The following DNAJB6 variants were observed in gnomAD, a reference collection of about 807,000 sequenced individuals.
DNAJB6 encodes the protein dnaJ homolog subfamily B member 6.
In DNAJB6, 16 loss-of-function variants were observed where a neutral mutation model predicts 42.7. That is an observed-to-expected ratio of 0.37 (90% CI 0.25 to 0.57). DNAJB6 has a LOEUF of 0.57. Among genes scored for constraint, DNAJB6 ranks in the 20% least tolerant of loss-of-function variants. The pLI is 0.74. For missense variants in DNAJB6, 347 were observed against 416.8 expected, an observed-to-expected ratio of 0.83 and a Z score of 1.46; for synonymous variants, 170 against 163.5, an observed-to-expected ratio of 1.04 and a Z score of -0.30.
At chr7:157,397,052 C>T (rs1235351672) in intron 8 of DNAJB6, among the ~76,000 whole-genome samples, 1 of 152,226 alleles carries the variant, frequency 6.6e-6, no homozygotes, top group Non-Finnish European at 1.5e-5. Context: ...GTCCACACCC[C>T]TCTCACCGAT....
intron 5 of DNAJB6, among the ~76,000 whole-genome samples, chr7:157,375,472 G>A (rs1028660013): frequency 2.0e-5 from 3 of 152,248 alleles, no homozygotes; most frequent in African/African-American, 7.2e-5. Context: ...GACCTGGGAA[G>A]TAGCTAGAAA....
At chr7:157,359,987 G>A (rs1424773404) in intron 2 of DNAJB6, among the ~76,000 whole-genome samples, 2 of 152,216 alleles carry the variant, frequency 1.3e-5, no homozygotes, top group African/African-American at 4.8e-5. Context: ...CACACTTGAG[G>A]CTCACACTAT....
At chr7:157,348,309 G>A (rs1010673519) in intron 1 of DNAJB6, among the ~76,000 whole-genome samples, 2 of 152,074 alleles carry the variant, frequency 1.3e-5, no homozygotes, top group Non-Finnish European at 2.9e-5. Flanking sequence ...GGCCAGGCTG[G>A]TCTTGAACTC....
chr7:157,374,292 A>T (rs762514349), intron 5 of DNAJB6, among the ~76,000 whole-genome samples: 2 of 151,826 alleles, frequency 1.3e-5, no homozygotes, highest in Non-Finnish European at 2.9e-5. Flanking sequence ...ATGGAGTCTC[A>T]CTCTGTCGCC....
intron 1 of DNAJB6, among the ~76,000 whole-genome samples, chr7:157,352,405 G>A (rs1404646908): frequency 1.3e-5 from 2 of 151,856 alleles, no homozygotes; most frequent in Admixed American, 6.6e-5. Flanking sequence ...TATTGCTGAA[G>A]GCTTTATTTA....
intron 1 of DNAJB6, among the ~76,000 whole-genome samples, chr7:157,351,623 A>C (rs1339391437): frequency 6.8e-6 from 1 of 147,370 alleles, no homozygotes; most frequent in Non-Finnish European, 1.5e-5. Context: ...ACATAGTGAG[A>C]CTCTGTCTCA....
At chr7:157,410,336 G>T in intron 9 of DNAJB6, 1 of 472,530 alleles carries the variant, frequency 2.1e-6, no homozygotes. Context: ...CGTAGAGCTT[G>T]AGGCCTGTGG....
chr7:157,396,079 C>CT (rs1287979506), intron 8 of DNAJB6, among the ~76,000 whole-genome samples: 2 of 151,904 alleles, frequency 1.3e-5, no homozygotes, highest in Non-Finnish European at 2.9e-5. Flanking sequence ...TCCTGAATAG[C>CT]TAGGACTACT....
At chr7:157,398,305 T>G (rs1801692763) in intron 8 of DNAJB6, among the ~76,000 whole-genome samples, 1 of 152,260 alleles carries the variant, frequency 6.6e-6, no homozygotes, top group African/African-American at 2.4e-5. Flanking sequence ...TTTTTGGTTG[T>G]TTGAATAATC....
intron 1 of DNAJB6, among the ~76,000 whole-genome samples, chr7:157,345,060 C>G (rs1293518387): frequency 1.3e-5 from 2 of 151,854 alleles, no homozygotes; most frequent in Non-Finnish European, 2.9e-5. Flanking sequence ...ATGGAGTGGT[C>G]TCGGCTCACT....
At chr7:157,377,023 A>C (rs558472631) in intron 5 of DNAJB6, among the ~76,000 whole-genome samples, 111 of 152,350 alleles carry the variant, frequency 7.3e-4, no homozygotes, top group African/African-American at 2.6e-3. Flanking sequence ...ACCTGGGATC[A>C]TAGAAAAAAA....
chr7:157,390,682 C>T (rs1318682412), intron 8 of DNAJB6, among the ~76,000 whole-genome samples: 6 of 152,174 alleles, frequency 3.9e-5, no homozygotes, highest in South Asian at 4.1e-4. Context: ...GCTGCGAGCT[C>T]TGAGAGGTGA....
At chr7:157,396,856 T>C (rs575474930) in intron 8 of DNAJB6, among the ~76,000 whole-genome samples, 111 of 152,050 alleles carry the variant, frequency 7.3e-4, no homozygotes, top group African/African-American at 2.6e-3. Flanking sequence ...AAGGGGTTTT[T>C]CAGGCATAAA....
At chr7:157,364,496 C>T (rs1799753672) in intron 3 of DNAJB6, among the ~76,000 whole-genome samples, 1 of 152,048 alleles carries the variant, frequency 6.6e-6, no homozygotes, top group South Asian at 2.1e-4. Context: ...CCTAGGGAGG[C>T]CTTGAACTCC....
chr7:157,409,498 A>G (rs1422871504), intron 8 of DNAJB6, among the ~76,000 whole-genome samples: 1 of 152,242 alleles, frequency 6.6e-6, no homozygotes, highest in Non-Finnish European at 1.5e-5. Context: ...TCAGTGGGGC[A>G]CACTCACTCT....
At chr7:157,407,231 G>A (rs1009318404) in intron 8 of DNAJB6, among the ~76,000 whole-genome samples, 1 of 152,212 alleles carries the variant, frequency 6.6e-6, no homozygotes, top group South Asian at 2.1e-4. Context: ...GCGTGGAGTG[G>A]GGCGAGTGAG....
At chr7:157,358,958 A>G (rs527789576) in intron 2 of DNAJB6, among the ~76,000 whole-genome samples, 1 of 152,328 alleles carries the variant, frequency 6.6e-6, no homozygotes, top group East Asian at 1.9e-4. Flanking sequence ...TTTGGAAGGC[A>G]GGGGCCCAGA....
At chr7:157,340,040 C>T (rs1798277206) in intron 1 of DNAJB6, 1 of 152,232 alleles carries the variant, frequency 6.6e-6, no homozygotes. Flanking sequence ...AGACACCTTA[C>T]TGTCGTCTGC....
chr7:157,354,004 T>C (rs770414672), intron 1 of DNAJB6, among the ~76,000 whole-genome samples: 1 of 152,160 alleles, frequency 6.6e-6, no homozygotes, highest in Non-Finnish European at 1.5e-5. Flanking sequence ...TTTTCTTGCT[T>C]GATCTAGCAT....
Sources: gnomAD v4.1 joint callset for allele counts (sites outside exome capture counted in the v4.1 genomes callset) on GRCh38, gnomAD v4.1.1 for gene constraint, MANE v1.5 for transcripts, NCBI Gene and HGNC (gene_info 2026-07-23, HGNC 2026-07-21) for gene names.